The following SIK3 variants were observed in gnomAD, a reference collection of about 807,000 sequenced individuals.
SIK3 encodes the protein serine/threonine-protein kinase SIK3.
A neutral mutation model predicts 144.2 loss-of-function variants in SIK3; 28 were observed. The observed-to-expected ratio is 0.19, with a 90% CI of 0.14 to 0.27. SIK3 has a LOEUF of 0.27. Among genes scored for constraint, SIK3 ranks in the 10% least tolerant of loss-of-function variants. The pLI is 1.00. For synonymous variants in SIK3, 686 were observed against 676.3 expected (o/e 1.01, Z -0.22); for missense variants, 1,319 against 1,776.0 (o/e 0.74, Z 4.62).
chr11:117,038,225 C>T (rs1287740148), intron 1 of SIK3, among the ~76,000 whole-genome samples: 1 of 152,202 alleles, frequency 6.6e-6, no homozygotes, highest in African/African-American at 2.4e-5. Flanking sequence ...TTCCTGTTTT[C>T]TCAGCCTCAT....
intron 1 of SIK3, among the ~76,000 whole-genome samples, chr11:117,077,151 C>T (rs891188519): frequency 3.3e-5 from 5 of 152,256 alleles, no homozygotes; most frequent in African/African-American, 1.2e-4. Context: ...GAGCAAGACC[C>T]TGTCTCTAAA....
At position 116,867,787 on chromosome 11, in the gene SIK3, T is replaced by A; in HGVS notation, c.1952+159A>T. On this transcript the variant is annotated intron_variant, in intron 15 of 24. Transcript: ENST00000445177. The surrounding 1 kb of genome is among the most constrained non-coding windows in gnomAD (Gnocchi z 4.1). The stretch of plus-strand genomic sequence containing the variant: ...GGCGCAGTAAAAAACCTTTGCCCTG[T>A]GCATTGCTTACTGCAAGGAGCTGAG... 1 of 677,118 alleles carries A rather than the reference T, an allele frequency of 1.5e-6. No homozygotes were observed. Among genetic ancestry groups the A allele is most frequent in the Non-Finnish European group, 2.3e-6 (1 of 427,152 alleles). 41.9% of individuals were successfully genotyped at this position (677,118 alleles called of 1,614,324 possible).
intron 1 of SIK3, among the ~76,000 whole-genome samples, chr11:117,042,208 C>G (rs1952774570): frequency 6.6e-6 from 1 of 152,212 alleles, no homozygotes. Context: ...CCAAAGCACT[C>G]TTTCTCACTA....
intron 1 of SIK3, among the ~76,000 whole-genome samples, chr11:117,052,814 A>G (rs1953321433): frequency 6.6e-6 from 1 of 152,232 alleles, no homozygotes; most frequent in South Asian, 2.1e-4. Context: ...CTAAGGTCCA[A>G]TCCCAAACAG....
At chr11:117,045,300 A>G (rs984883722) in intron 1 of SIK3, among the ~76,000 whole-genome samples, 1 of 152,160 alleles carries the variant, frequency 6.6e-6, no homozygotes, top group African/African-American at 2.4e-5. Flanking sequence ...ATTCCACATC[A>G]GTTTGTAGTT....
At chr11:116,915,482 T>C (rs943787286) in intron 4 of SIK3, among the ~76,000 whole-genome samples, 1 of 152,244 alleles carries the variant, frequency 6.6e-6, no homozygotes, top group African/African-American at 2.4e-5. Context: ...TATTGGGTCA[T>C]TACTTATTAG....
intron 1 of SIK3, among the ~76,000 whole-genome samples, chr11:117,034,439 C>T (rs569535161): frequency 3.6e-4 from 55 of 152,220 alleles, no homozygotes; most frequent in South Asian, 8.3e-4. Context: ...AGTAAAGATA[C>T]GGTTTATTTG....
chr11:117,015,339 A>C (rs939678188), intron 1 of SIK3, among the ~76,000 whole-genome samples: 4 of 152,192 alleles, frequency 2.6e-5, no homozygotes, highest in Admixed American at 2.6e-4. Context: ...GTTAGAGAAG[A>C]TCTGAAGAAA....
chr11:116,921,241 A>C (rs540962384), intron 4 of SIK3, among the ~76,000 whole-genome samples: 128 of 152,324 alleles, frequency 8.4e-4, no homozygotes, highest in African/African-American at 3.0e-3. Flanking sequence ...TACTTTTTTA[A>C]TAAGATATAT....
chr11:117,062,036 A>G (rs2135959476), intron 1 of SIK3, among the ~76,000 whole-genome samples: 1 of 152,224 alleles, frequency 6.6e-6, no homozygotes, highest in South Asian at 2.1e-4. Context: ...TTTAAATAAA[A>G]AAGTCAAGCC....
chr11:116,864,066 C>G (rs1293097082), intron 15 of SIK3: 1 of 365,006 alleles, frequency 2.7e-6, no homozygotes, highest in African/African-American at 2.1e-5. Context: ...CTGGTGAGGT[C>G]CCGAGATCAA....
rs28407219 is a variant in SIK3, at chr11:116,898,233, T to C, written c.617-916A>G. Among the ~76,000 whole-genome samples the C allele has an allele frequency of 7.4e-3, 1,121 of 152,246 alleles. 13 individuals are homozygous for C. Among genetic ancestry groups the C allele is most frequent in the African/African-American group, 0.026 (1,072 of 41,514 alleles). ...AGTGAGAACATGCGATGTTTGGTTT[T>C]TTGTTCTTGCGATAGTTTACTGAGA... On this transcript the variant is annotated intron_variant, in intron 4 of 24. Coordinates refer to ENST00000445177, the MANE Select transcript of SIK3 (RefSeq NM_001366686.3).
Position 116,859,619 on chromosome 11 carries a change from A to G in SIK3, c.2426-15T>C, listed in dbSNP as rs1435562734. On this transcript the variant is annotated splice_polypyrimidine_tract_variant and intron_variant, in intron 19 of 24. Coordinates refer to ENST00000445177, the MANE Select transcript of SIK3 (RefSeq NM_001366686.3). ...AGATGCAGCCCCTGGAGAGAAAGGAACCTCAGAGTGACCAAGTGCCCAGGC... is the reference window on the plus strand; with the variant it reads ...AGATGCAGCCCCTGGAGAGAAAGGAGCCTCAGAGTGACCAAGTGCCCAGGC... 8 of 1,607,578 alleles carry G rather than the reference A, an allele frequency of 5.0e-6. No homozygotes were observed. The highest frequency in any genetic ancestry group is 6.0e-6 in the Non-Finnish European group (7 of 1,175,962).
intron 1 of SIK3, among the ~76,000 whole-genome samples, chr11:116,984,444 C>T (rs1249663664): frequency 1.3e-5 from 2 of 152,158 alleles, no homozygotes; most frequent in Non-Finnish European, 2.9e-5. Flanking sequence ...AAGCAGCATG[C>T]GTTTCCAGAT....
intron 1 of SIK3, among the ~76,000 whole-genome samples, chr11:117,045,403 T>C (rs902293726): frequency 6.6e-6 from 1 of 152,216 alleles, no homozygotes; most frequent in Non-Finnish European, 1.5e-5. Context: ...AGTTTCACTT[T>C]AGCTCCATAA....
At chr11:117,049,762 C>G (rs1032342574) in intron 1 of SIK3, among the ~76,000 whole-genome samples, 3 of 152,016 alleles carry the variant, frequency 2.0e-5, no homozygotes, top group African/African-American at 7.3e-5. Flanking sequence ...TTGAGACCAG[C>G]CTGGGCAACA....
chr11:116,971,965 G>A (rs1020338044), intron 1 of SIK3, among the ~76,000 whole-genome samples: 1 of 151,946 alleles, frequency 6.6e-6, no homozygotes, highest in African/African-American at 2.4e-5. Context: ...GCACGCGCCT[G>A]TAATCCCAGC....
chr11:116,959,186 T>C (rs544263355), intron 1 of SIK3, among the ~76,000 whole-genome samples: 3 of 152,048 alleles, frequency 2.0e-5, no homozygotes, highest in Admixed American at 2.0e-4. Context: ...TTTTAAAAAT[T>C]AGCCGAGCAT....
intron 3 of SIK3, among the ~76,000 whole-genome samples, chr11:116,933,579 C>T (rs1947741698): frequency 6.6e-6 from 1 of 152,174 alleles, no homozygotes; most frequent in South Asian, 2.1e-4. Flanking sequence ...AACAATTAAA[C>T]AATTGTGTAT....
Sources: allele counts gnomAD v4.1 joint callset (sites outside exome capture counted in the v4.1 genomes callset), GRCh38; gene constraint gnomAD v4.1.1; non-coding constraint Gnocchi (gnomAD v3.1); transcripts MANE v1.5; gene names NCBI Gene and HGNC (gene_info 2026-07-23, HGNC 2026-07-21).